CCDC171: variants seen among roughly 807,000 people sequenced by gnomAD.
The protein encoded by CCDC171 is coiled-coil domain containing 171.
CCDC171 carries 177 observed loss-of-function variants against 168.2 expected under a neutral mutation model. The ratio of observed to expected loss-of-function variants is 1.05; its 90% confidence interval spans 0.93 to 1.19. The LOEUF is 1.19. Among genes scored for constraint, CCDC171 ranks in the 50% most tolerant of loss-of-function variants. CCDC171 has a pLI of 0.00. For synonymous variants in CCDC171, 687 were observed against 540.8 expected, an observed-to-expected ratio of 1.27 and a Z score of -3.75; for missense variants, 1,991 against 1,539.0, an observed-to-expected ratio of 1.29 and a Z score of -4.91.
chr9:15,970,330 T>C (rs1283197543), intron 25 of CCDC171, among the ~76,000 whole-genome samples: 1 of 152,152 alleles, frequency 6.6e-6, no homozygotes, highest in Non-Finnish European at 1.5e-5. Flanking sequence ...TAACATGACA[T>C]AATAAAGCAC....
chr9:15,866,552 A>G (rs868142428), intron 23 of CCDC171, among the ~76,000 whole-genome samples: 13 of 152,002 alleles, frequency 8.6e-5, no homozygotes, highest in Admixed American at 3.3e-4. Flanking sequence ...TTAAGTAGGG[A>G]GAAAGGAGAC....
intron 6 of CCDC171, among the ~76,000 whole-genome samples, chr9:15,605,918 A>C (rs1001463925): frequency 6.6e-6 from 1 of 152,140 alleles, no homozygotes. Flanking sequence ...TTTTCCTAAC[A>C]TACTGTAGCC....
At chr9:15,931,111 A>T (rs1032424428) in intron 25 of CCDC171, among the ~76,000 whole-genome samples, 1 of 151,752 alleles carries the variant, frequency 6.6e-6, no homozygotes, top group African/African-American at 2.4e-5. Context: ...CAGTAGTGGT[A>T]TTTCTGGGTC....
chr9:15,722,660 C>G (rs1230321534), intron 12 of CCDC171, among the ~76,000 whole-genome samples: 6 of 152,092 alleles, frequency 3.9e-5, no homozygotes, highest in Non-Finnish European at 4.4e-5. Context: ...GTGTGTATCT[C>G]TTTCTTTCAT....
chr9:15,939,587 C>A (rs990691016), intron 25 of CCDC171, among the ~76,000 whole-genome samples: 5 of 151,826 alleles, frequency 3.3e-5, no homozygotes, highest in African/African-American at 9.7e-5. Flanking sequence ...TTAAATAAGT[C>A]TCACAGTCTT....
chr9:15,623,467 GCGCGCGCGCACA>G (rs2044697010), intron 7 of CCDC171, 54 bp downstream of exon 7: 1 of 587,398 alleles, frequency 1.7e-6, no homozygotes. Flanking sequence ...TCACATATGC[GCGCGCGCGCACA>G]CACACACACA....
intron 25 of CCDC171, among the ~76,000 whole-genome samples, chr9:15,920,786 C>T (rs538669310): frequency 2.0e-5 from 3 of 151,552 alleles, no homozygotes; most frequent in Non-Finnish European, 4.4e-5. Context: ...ATGCGTATAA[C>T]CAAAATGGTA....
At chr9:16,040,473 G>A (rs1054657571), upstream of CCDC171, among the ~76,000 whole-genome samples, 1 of 152,182 alleles carries the variant, frequency 6.6e-6, no homozygotes, top group Non-Finnish European at 1.5e-5. Context: ...AGAGAGAAAG[G>A]CAGGCGGCTG....
chr9:15,866,925 A>G (rs937591676), intron 23 of CCDC171, among the ~76,000 whole-genome samples: 2 of 152,040 alleles, frequency 1.3e-5, no homozygotes, highest in African/African-American at 4.8e-5. Context: ...ACCAGCATAT[A>G]GTCTCTAAAT....
At chr9:15,843,087 A>G (rs916039118) in intron 21 of CCDC171, among the ~76,000 whole-genome samples, 1 of 151,998 alleles carries the variant, frequency 6.6e-6, no homozygotes, top group African/African-American at 2.4e-5. Flanking sequence ...TCTGGAAACA[A>G]TCAAATGTAA....
chr9:15,795,384 G>T (rs1163392973), intron 21 of CCDC171, among the ~76,000 whole-genome samples: 5 of 152,210 alleles, frequency 3.3e-5, no homozygotes, highest in Non-Finnish European at 5.9e-5. Flanking sequence ...TGGGGATTAA[G>T]ATTTTAACAC....
chr9:15,971,822 CAG>C lies in CCDC171; in HGVS notation c.3969_3970del (p.Gln1323HisfsTer7). On this transcript the variant is annotated frameshift_variant, in exon 26 of 26. Transcript: ENST00000380701. LOFTEE classifies it high-confidence loss of function. ...GTCTGCTAATGCCAACAGACCAACT[CAG>C]ATTGGATTATGACTTCATGAAATTA... ...TMSANANRPT[Q>X]IGL 1 of 1,612,420 alleles carries C rather than the reference CAG, an allele frequency of 6.2e-7. No individual in the cohort carries two copies. Among genetic ancestry groups the C allele is most frequent in the Non-Finnish European group, 8.5e-7 (1 of 1,178,498 alleles).
intron 8 of CCDC171, among the ~76,000 whole-genome samples, chr9:16,037,570 T>A (rs2133050459): frequency 6.6e-6 from 1 of 152,208 alleles, no homozygotes; most frequent in East Asian, 1.9e-4. Context: ...ATAAGTAGGT[T>A]TAAAAATGAT....
intron 7 of CCDC171, among the ~76,000 whole-genome samples, chr9:16,035,790 A>T (rs1004655304): frequency 6.6e-6 from 1 of 152,204 alleles, no homozygotes; most frequent in Non-Finnish European, 1.5e-5. Context: ...TATTTATTCA[A>T]TATCCACTAT....
chr9:15,564,884 C>T (rs1015294230), intron 2 of CCDC171, among the ~76,000 whole-genome samples: 1 of 152,116 alleles, frequency 6.6e-6, no homozygotes, highest in Admixed American at 6.6e-5. Flanking sequence ...TTTAAAATTT[C>T]TTTAAAAATA....
At chr9:16,053,574 T>C (rs1425089539) in intron 1 of CCDC171, among the ~76,000 whole-genome samples, 1 of 152,236 alleles carries the variant, frequency 6.6e-6, no homozygotes, top group African/African-American at 2.4e-5. Context: ...CTCTTTTCTC[T>C]CATCTCCTGC....
chr9:15,901,992 T>C (rs1300357326), intron 24 of CCDC171, among the ~76,000 whole-genome samples: 3 of 152,166 alleles, frequency 2.0e-5, no homozygotes, highest in Admixed American at 6.5e-5. Flanking sequence ...GTAAGAATTA[T>C]GCAATTTTCT....
At chr9:16,058,789 A>T (rs1833883729) in intron 1 of CCDC171, among the ~76,000 whole-genome samples, 1 of 152,154 alleles carries the variant, frequency 6.6e-6, no homozygotes, top group Non-Finnish European at 1.5e-5. Context: ...TGAGCTTCTT[A>T]TTTCCCTCAA....
chr9:15,757,244 C>T (rs1234333457), intron 18 of CCDC171, among the ~76,000 whole-genome samples: 1 of 152,276 alleles, frequency 6.6e-6, no homozygotes, highest in Non-Finnish European at 1.5e-5. Flanking sequence ...GCCCAAAAGT[C>T]TGATAGATAT....
Sources: gnomAD v4.1 joint callset for allele counts (sites outside exome capture counted in the v4.1 genomes callset) on GRCh38, gnomAD v4.1.1 for gene constraint, MANE v1.5 for transcripts, NCBI Gene and HGNC (gene_info 2026-07-23, HGNC 2026-07-21) for gene names.